GRK5: variants seen among roughly 807,000 people sequenced by gnomAD.
GRK5 encodes the protein g protein-coupled receptor kinase GRK5.
A neutral mutation model predicts 78.4 loss-of-function variants in GRK5; 40 were observed. That is an observed-to-expected ratio of 0.51 (90% CI 0.40 to 0.66). The LOEUF (loss-of-function observed/expected upper bound fraction) is 0.66. GRK5 is among the 30% of genes least tolerant of loss of function. GRK5 has a pLI of 0.00. For synonymous variants in GRK5, 289 were observed against 296.8 expected, an observed-to-expected ratio of 0.97 and a Z score of 0.27; for missense variants, 598 against 759.9, an observed-to-expected ratio of 0.79 and a Z score of 2.50.
In GRK5 at chr10:119,345,335, G is replaced by T. The variant is rs1390757146; in HGVS notation, c.148+18724G>T. 2.0e-5 allele frequency among the ~76,000 whole-genome samples: 3 copies of T among 152,160 alleles called. 1 individual carries two copies. The highest frequency in any genetic ancestry group is 4.1e-4 in the South Asian group (2 of 4,832). The stretch of plus-strand genomic sequence containing the variant: ...TGCTCATTTGGCTTTAGCATGAGAG[G>T]AGTGGTTCCCAGCCCCGCAATCCAG... On this transcript the variant is annotated intron_variant, in intron 2 of 15. Coordinates refer to ENST00000392870, the MANE Select transcript of GRK5 (RefSeq NM_005308.3).
In GRK5 at chr10:119,304,284, C is replaced by CTTTTTTT. The variant is rs59740732; in HGVS notation, c.53-22213_53-22207dup. Among the ~76,000 whole-genome samples, 19 of 75,042 alleles carry CTTTTTTT rather than the reference C, an allele frequency of 2.5e-4. 1 individual carries two copies. Among genetic ancestry groups the CTTTTTTT allele is most frequent in the Non-Finnish European group, 3.0e-4 (12 of 39,600 alleles). The allele number at this position is 75,042 out of a possible 152,430, so 49.2% of individuals were successfully genotyped here. On this transcript the variant is annotated intron_variant, in intron 1 of 15. Coordinates refer to ENST00000392870, the MANE Select transcript of GRK5 (RefSeq NM_005308.3). Reference sequence around the variant, plus strand: ...AGCAGTATGCTAACTGTGTGAGCTGCTTTTTTTTTTTTTTTTTTTTTTTTT... The same window carrying CTTTTTTT: ...AGCAGTATGCTAACTGTGTGAGCTGCTTTTTTTTTTTTTTTTTTTTTTTTTTTTTTTT...
chr10:119,246,652 A>T (rs562117981), intron 1 of GRK5, among the ~76,000 whole-genome samples: 4 of 152,362 alleles, frequency 2.6e-5, no homozygotes, highest in African/African-American at 9.6e-5. Flanking sequence ...TGGTGTCTGG[A>T]GGCCACAATG....
chr10:119,260,623 C>T (rs1849366839), intron 1 of GRK5, among the ~76,000 whole-genome samples: 1 of 151,918 alleles, frequency 6.6e-6, no homozygotes, highest in African/African-American at 2.4e-5. Flanking sequence ...CAGCATGCTG[C>T]CTTCAAGCAT....
intron 4 of GRK5, among the ~76,000 whole-genome samples, chr10:119,422,127 A>G (rs1044897414): frequency 6.6e-6 from 1 of 152,080 alleles, no homozygotes; most frequent in Non-Finnish European, 1.5e-5. Context: ...AATTTATTAA[A>G]AACCCATCTC....
At chr10:119,339,474 G>C (rs1197933523) in intron 2 of GRK5, among the ~76,000 whole-genome samples, 3 of 152,160 alleles carry the variant, frequency 2.0e-5, no homozygotes, top group African/African-American at 7.2e-5. Context: ...CGTCTGCCTG[G>C]GTGTATTAAA....
At chr10:119,416,587 CTCTTTT>C (rs1302020446) in intron 4 of GRK5, among the ~76,000 whole-genome samples, 1 of 12,278 alleles carries the variant, frequency 8.1e-5, no homozygotes, top group African/African-American at 5.7e-4. Context: ...CTCTCTCTCT[CTCTTTT>C]TTTTTTTTTT....
At chr10:119,393,251 C>G (rs1244629597) in intron 3 of GRK5, among the ~76,000 whole-genome samples, 1 of 152,260 alleles carries the variant, frequency 6.6e-6, no homozygotes, top group African/African-American at 2.4e-5. Context: ...TTGAGAAAGG[C>G]CTTTTGATCC....
In GRK5 at chr10:119,260,372, CTTTTTTTTTTT is replaced by C. The variant is rs56407821; in HGVS notation, c.52+52412_52+52422del. Among the ~76,000 whole-genome samples the C allele has an allele frequency of 7.3e-3, 744 of 101,444 alleles. 11 individuals carry two copies. The highest frequency in any genetic ancestry group is 0.028 in the African/African-American group (705 of 24,966). 66.6% of individuals were successfully genotyped at this position (101,444 alleles called of 152,430 possible). A position where few individuals can be genotyped will look rare whatever the true frequency, so the allele number is the denominator to read the frequency against. On this transcript the variant is annotated intron_variant, in intron 1 of 15. Transcript: ENST00000392870. ...AATCTTTAACATATTTAACCGTCTG[CTTTTTTTTTTT>C]TTTTTTTTAATTCACAGATGACATG...
intron 1 of GRK5, 87 bp downstream of exon 1, chr10:119,208,056 C>G (rs1485418902): frequency 3.9e-6 from 5 of 1,287,392 alleles, no homozygotes; most frequent in Non-Finnish European, 5.3e-6. Flanking sequence ...GGGCTGCGCC[C>G]GTGCAGGATG....
intron 2 of GRK5, among the ~76,000 whole-genome samples, chr10:119,357,259 T>G (rs925133807): frequency 1.6e-4 from 24 of 152,130 alleles, no homozygotes; most frequent in African/African-American, 5.6e-4. Context: ...AAGTCACAAA[T>G]GGGGGGTAGG....
chr10:119,261,551 T>C (rs1477589874), intron 1 of GRK5, among the ~76,000 whole-genome samples: 6 of 152,112 alleles, frequency 3.9e-5, no homozygotes, highest in Non-Finnish European at 7.4e-5. Flanking sequence ...GGCAGGCGGC[T>C]GGGAGGTGGA....
intron 2 of GRK5, among the ~76,000 whole-genome samples, chr10:119,328,878 G>A (rs187012463): frequency 1.2e-4 from 18 of 152,366 alleles, no homozygotes; most frequent in South Asian, 6.2e-4. Flanking sequence ...CACTTCCTCA[G>A]AGAAGCCTCT....
intron 1 of GRK5, among the ~76,000 whole-genome samples, chr10:119,292,144 TCCTCTTCCTCCTCCTCTTCC>T (rs1849987813): frequency 2.5e-5 from 2 of 78,900 alleles, no homozygotes; most frequent in African/African-American, 5.1e-5. Flanking sequence ...CTCCTTCTCC[TCCTCTTCCTCCTCCTCTTCC>T]TCCTCCTCCT....
chr10:119,424,851 C>G, intron 5 of GRK5, 142 bp from the exon 6 acceptor site: 1 of 654,676 alleles, frequency 1.5e-6, no homozygotes, highest in Non-Finnish European at 2.8e-6. Context: ...AGTAGAATGG[C>G]AGGACCTCTG....
intron 3 of GRK5, among the ~76,000 whole-genome samples, chr10:119,387,954 AT>A (rs11413275): frequency 6.7e-6 from 1 of 150,154 alleles, no homozygotes; most frequent in African/African-American, 2.5e-5. Context: ...AATAAAGAAG[AT>A]TTTTTTTTTC....
In GRK5 at chr10:119,207,716, CGGCG is replaced by C. The variant is rs2133689697; in HGVS notation, c.-200_-197del. 7.6e-6 allele frequency: 4 copies of C among 528,832 alleles called. No individual in the cohort carries two copies. Among genetic ancestry groups the C allele is most frequent in the Non-Finnish European group, 1.3e-5 (4 of 305,160 alleles). 32.8% of individuals were successfully genotyped at this position (528,832 alleles called of 1,614,324 possible). The stretch of plus-strand genomic sequence containing the variant: ...CAGAGGGAGGAAGAAGCGGCGGCGG[CGGCG>C]GCGGCGGCGGCGGCTCCTCTTTGCA... On this transcript the variant is annotated 5_prime_UTR_variant, in exon 1 of 16. Coordinates refer to ENST00000392870, the MANE Select transcript of GRK5 (RefSeq NM_005308.3).
intron 1 of GRK5, among the ~76,000 whole-genome samples, chr10:119,246,570 G>C (rs1849116854): frequency 6.6e-6 from 1 of 152,186 alleles, no homozygotes. Context: ...GATTGCCTTG[G>C]GTTAAGGGTT....
At chr10:119,265,137 G>A (rs1176706237) in intron 1 of GRK5, among the ~76,000 whole-genome samples, 7 of 152,200 alleles carry the variant, frequency 4.6e-5, no homozygotes, top group Non-Finnish European at 7.3e-5. Flanking sequence ...CTCCCCACCA[G>A]CCTTTAATTT....
chr10:119,260,558 C>T (rs937868182), intron 1 of GRK5, among the ~76,000 whole-genome samples: 15 of 151,876 alleles, frequency 9.9e-5, no homozygotes, highest in Admixed American at 9.2e-4. Context: ...TGCGGCCTTC[C>T]GCAGCGTTTG....
Sources: gnomAD v4.1 joint callset for allele counts (sites outside exome capture counted in the v4.1 genomes callset) on GRCh38, gnomAD v4.1.1 for gene constraint, MANE v1.5 for transcripts, NCBI Gene and HGNC (gene_info 2026-07-23, HGNC 2026-07-21) for gene names.